The following LGR5 variants were observed in gnomAD, a reference collection of about 807,000 sequenced individuals.
LGR5 encodes the protein leucine-rich repeat-containing G protein-coupled receptor 5.
In LGR5, 54 loss-of-function variants were observed where a neutral mutation model predicts 76.7. The observed-to-expected ratio is 0.70, with a 90% confidence interval of 0.57 to 0.88. The LOEUF is 0.88. Among genes scored for constraint, LGR5 ranks in the 40% least tolerant of loss-of-function variants. The probability of loss-of-function intolerance (pLI) is 0.00; values close to 1 mark genes in which losing one functional copy is unlikely to be tolerated. For missense variants in LGR5, 1,078 were observed against 1,073.3 expected (o/e 1.00, Z -0.06); for synonymous variants, 406 against 421.9 (o/e 0.96, Z 0.46).
At chr12:71,552,396 C>T (rs760761202) in intron 4 of LGR5, among the ~76,000 whole-genome samples, 13 of 152,082 alleles carry the variant, frequency 8.5e-5, no homozygotes, top group Admixed American at 5.9e-4. Context: ...GAAACCCTGT[C>T]TCTACTAAAA....
intron 1 of LGR5, among the ~76,000 whole-genome samples, chr12:71,463,792 G>A (rs970947420): frequency 3.3e-5 from 5 of 151,734 alleles, no homozygotes; most frequent in Non-Finnish European, 5.9e-5. Context: ...ACAGGTTATT[G>A]GCATATATTT....
chr12:71,478,266 G>A (rs963789122), intron 1 of LGR5, among the ~76,000 whole-genome samples: 4 of 152,156 alleles, frequency 2.6e-5, no homozygotes. Context: ...ATTGGCTCTT[G>A]AGAGGCTTGT....
In LGR5 at chr12:71,466,977, G is replaced by A. The variant is rs59567100; in HGVS notation, c.212+26685G>A. 5.2e-4 allele frequency among the ~76,000 whole-genome samples: 79 copies of A among 150,702 alleles called. No individual in the cohort carries two copies. In the East Asian group the frequency reaches 6.6e-3, roughly 13 times the overall value. On this transcript the variant is annotated intron_variant, in intron 1 of 17. Coordinates refer to ENST00000266674, the MANE Select transcript of LGR5 (RefSeq NM_003667.4). The stretch of plus-strand genomic sequence containing the variant: ...TAGGGTATGAATGCTTGGAGGATGA[G>A]GAAGGCAAAAAGGCAAATAATGTGG...
chr12:71,468,917 T>A (rs1872972609), intron 1 of LGR5, among the ~76,000 whole-genome samples: 1 of 152,170 alleles, frequency 6.6e-6, no homozygotes, highest in South Asian at 2.1e-4. Flanking sequence ...GAGAATATCT[T>A]TCTCAATTAC....
chr12:71,503,781 G>C (rs1036803258), intron 1 of LGR5, among the ~76,000 whole-genome samples: 2 of 152,144 alleles, frequency 1.3e-5, no homozygotes, highest in African/African-American at 4.8e-5. Context: ...AATCTGAATT[G>C]GTCTTGATTA....
intron 16 of LGR5, among the ~76,000 whole-genome samples, chr12:71,581,133 C>T (rs533709978): frequency 5.9e-5 from 9 of 152,166 alleles, no homozygotes; most frequent in Non-Finnish European, 1.3e-4. Flanking sequence ...CATTTTCATT[C>T]TTATGGCCTG....
chr12:71,582,616 A>T, intron 17 of LGR5, 77 bp downstream of exon 17: 13 of 1,144,100 alleles, frequency 1.1e-5, no homozygotes, highest in Non-Finnish European at 1.7e-5. Context: ...ATACAGCTAT[A>T]CTTTAAAAGC....
Position 71,539,269 on chromosome 12 carries a change from A to G in LGR5, c.428+4083A>G, listed in dbSNP as rs139148379. 1.3e-3 allele frequency among the ~76,000 whole-genome samples: 200 copies of G among 152,344 alleles called. 1 individual carries two copies. The Middle Eastern group carries it at 0.017, about 13-fold the overall frequency. Reference sequence around the variant, plus strand: ...AAAAATGGTTGAAAACGACTGACGTAGATCATTTGCATTCTTTGCTCCACC... The same window carrying G: ...AAAAATGGTTGAAAACGACTGACGTGGATCATTTGCATTCTTTGCTCCACC... On this transcript the variant is annotated intron_variant, in intron 4 of 17. Coordinates refer to ENST00000266674, the MANE Select transcript of LGR5 (RefSeq NM_003667.4).
rs781076212 is a variant in LGR5 at position 71,566,456 on chromosome 12, T to C, written c.910T>C (p.Leu304=). ...QFVGRSAFQH[L]PELRTLTLNG... ...TGTTGGGAGATCTGCTTTTCAACAT[T>C]TACCTGAACTAAGAACACTGTAAGT... Residue 304 remains leucine, a synonymous_variant, in exon 9 of 18, where the codon TTA becomes CTA. Transcript: ENST00000266674. 6 of 1,604,832 alleles carry C rather than the reference T, an allele frequency of 3.7e-6. No individual in the cohort carries two copies. In the African/African-American group the frequency reaches 8.0e-5, roughly 21 times the overall value.
intron 1 of LGR5, among the ~76,000 whole-genome samples, chr12:71,462,982 G>A (rs1264959311): frequency 3.9e-5 from 6 of 152,150 alleles, no homozygotes; most frequent in South Asian, 2.1e-4. Context: ...TAATTGTGTC[G>A]CTAACTAGAC....
chr12:71,448,084 A>ACAC (rs1872091735), intron 1 of LGR5, among the ~76,000 whole-genome samples: 1 of 145,584 alleles, frequency 6.9e-6, no homozygotes, highest in African/African-American at 2.5e-5. Context: ...CACACACACA[A>ACAC]ACACACACAC....
intron 1 of LGR5, among the ~76,000 whole-genome samples, chr12:71,456,061 G>A (rs1034004603): frequency 6.6e-6 from 1 of 152,028 alleles, no homozygotes; most frequent in Non-Finnish European, 1.5e-5. Flanking sequence ...ATGGAACATT[G>A]ACTATGAGAA....
intron 4 of LGR5, among the ~76,000 whole-genome samples, chr12:71,537,464 C>A (rs1234853320): frequency 2.0e-5 from 3 of 150,806 alleles, no homozygotes; most frequent in Non-Finnish European, 3.0e-5. Context: ...TACAGAGCAC[C>A]ACTCCAGAGT....
intron 4 of LGR5, among the ~76,000 whole-genome samples, chr12:71,540,691 G>GT (rs1876831248): frequency 6.6e-6 from 1 of 152,128 alleles, no homozygotes; most frequent in South Asian, 2.1e-4. Context: ...TGAGCAGGAG[G>GT]TAAGACAAGC....
In LGR5 at chr12:71,440,812, G is replaced by T. The variant is rs1055812788; in HGVS notation, c.212+520G>T. Among the ~76,000 whole-genome samples the T allele has an allele frequency of 1.3e-5, 2 of 152,124 alleles. No individual in the cohort carries two copies. The highest frequency in any genetic ancestry group is 2.9e-5 in the Non-Finnish European group (2 of 68,006). ...TGTGACGTGATGTAACCTTTTTGGGGTTTTTTCCTCTTTTCCTCCCTTCCT... is the reference window on the plus strand; with the variant it reads ...TGTGACGTGATGTAACCTTTTTGGGTTTTTTTCCTCTTTTCCTCCCTTCCT... On this transcript the variant is annotated intron_variant, in intron 1 of 17. Transcript: ENST00000266674. The surrounding 1 kb of genome is among the most constrained non-coding windows in gnomAD (Gnocchi z 5.3).
At chr12:71,465,358 A>G (rs1232293301) in intron 1 of LGR5, among the ~76,000 whole-genome samples, 2 of 152,182 alleles carry the variant, frequency 1.3e-5, no homozygotes, top group African/African-American at 4.8e-5. Flanking sequence ...GCCAACCCTC[A>G]GTAGGATCCT....
At chr12:71,534,393 G>T (rs1038627174) in intron 3 of LGR5, among the ~76,000 whole-genome samples, 11 of 152,102 alleles carry the variant, frequency 7.2e-5, no homozygotes, top group African/African-American at 2.7e-4. Context: ...TTCACAAAAA[G>T]AATTTAGCTT....
At chr12:71,550,053 A>G (rs1375888088) in intron 4 of LGR5, among the ~76,000 whole-genome samples, 1 of 152,236 alleles carries the variant, frequency 6.6e-6, no homozygotes, top group Admixed American at 6.5e-5. Flanking sequence ...TTTGGTAGGA[A>G]CATAAAATAC....
chr12:71,502,188 C>CTTTCCTTT (rs1186427703), intron 1 of LGR5, among the ~76,000 whole-genome samples: 11 of 141,380 alleles, frequency 7.8e-5, no homozygotes, highest in Admixed American at 4.2e-4. Context: ...AAGATAGGTA[C>CTTTCCTTT]TTTCCTTTTT....
Sources: gnomAD v4.1 joint callset for allele counts (sites outside exome capture counted in the v4.1 genomes callset) on GRCh38, gnomAD v4.1.1 for gene constraint, Gnocchi (gnomAD v3.1) non-coding constraint, MANE v1.5 for transcripts, NCBI Gene and HGNC (gene_info 2026-07-23, HGNC 2026-07-21) for gene names.